Variants in PRUNE2 observed in about 807,000 individuals in gnomAD.
The protein encoded by PRUNE2 is protein prune homolog 2.
Under a neutral mutation model 252.0 loss-of-function variants are expected in PRUNE2, and 164 were observed. The ratio of observed to expected loss-of-function variants is 0.65; its 90% CI spans 0.57 to 0.74. PRUNE2 has a LOEUF of 0.74. PRUNE2 is among the 30% of genes least tolerant of loss of function. The pLI, the probability that PRUNE2 is intolerant of heterozygous loss-of-function variation, is 0.00. For synonymous variants in PRUNE2, 1,292 were observed against 1,350.2 expected, an observed-to-expected ratio of 0.96 and a Z score of 0.94; for missense variants, 3,495 against 3,711.0, an observed-to-expected ratio of 0.94 and a Z score of 1.51.
chr9:76,879,894 TATA>T (rs2061668238), intron 1 of PRUNE2, among the ~76,000 whole-genome samples: 1 of 90,550 alleles, frequency 1.1e-5, no homozygotes, highest in African/African-American at 5.9e-5. Flanking sequence ...TATATATATA[TATA>T]TATATATTTT....
chr9:76,724,826 A>C (rs980525938), intron 6 of PRUNE2, among the ~76,000 whole-genome samples: 2 of 152,206 alleles, frequency 1.3e-5, no homozygotes, highest in African/African-American at 4.8e-5. Context: ...CTTGGCAAGG[A>C]AAGGGCTAGA....
chr9:76,755,858 C>G (rs1020035173), intron 6 of PRUNE2, among the ~76,000 whole-genome samples: 1 of 152,084 alleles, frequency 6.6e-6, no homozygotes, highest in Admixed American at 6.6e-5. Flanking sequence ...CACGCCACCA[C>G]GCCCCGGTAA....
chr9:76,704,185 TA>T (rs1467748010), intron 8 of PRUNE2, 86 bp from the exon 9 acceptor site: 9 of 706,970 alleles, frequency 1.3e-5, no homozygotes, highest in African/African-American at 1.8e-5. Flanking sequence ...AATGATCATC[TA>T]AAAGAGGTAA....
intron 1 of PRUNE2, among the ~76,000 whole-genome samples, chr9:76,894,224 CCAAA>C (rs1265356569): frequency 6.6e-6 from 1 of 152,164 alleles, no homozygotes; most frequent in Non-Finnish European, 1.5e-5. Flanking sequence ...ATCCAGTCCT[CCAAA>C]AGGAAGCAGC....
At chr9:76,731,284 A>C (rs7852127) in intron 6 of PRUNE2, among the ~76,000 whole-genome samples, 26,403 of 95,016 alleles carry the variant, frequency 0.28, 2,960 homozygotes, top group East Asian at 0.55. Flanking sequence ...CCCTCTCTCT[A>C]TCTATCTATC....
intron 6 of PRUNE2, among the ~76,000 whole-genome samples, chr9:76,744,282 A>C (rs1453749686): frequency 2.0e-5 from 3 of 152,228 alleles, no homozygotes; most frequent in African/African-American, 7.2e-5. Flanking sequence ...AAAGTGATAA[A>C]GGGAATTAAA....
intron 6 of PRUNE2, among the ~76,000 whole-genome samples, chr9:76,729,906 AAC>A (rs1165608241): frequency 6.6e-6 from 1 of 152,196 alleles, no homozygotes; most frequent in African/African-American, 2.4e-5. Flanking sequence ...AAAAAATCTG[AAC>A]ACAGACTCCT....
intron 15 of PRUNE2, among the ~76,000 whole-genome samples, chr9:76,632,519 G>A (rs1490014462): frequency 6.6e-6 from 1 of 152,126 alleles, no homozygotes; most frequent in Non-Finnish European, 1.5e-5. Context: ...ACCTGAGGTT[G>A]GTAAATGATA....
At chr9:76,807,976 G>A (rs1275973367) in intron 6 of PRUNE2, among the ~76,000 whole-genome samples, 5 of 152,200 alleles carry the variant, frequency 3.3e-5, no homozygotes, top group Admixed American at 1.3e-4. Flanking sequence ...TCAGGAGTTC[G>A]AGACCAGCCT....
intron 1 of PRUNE2, among the ~76,000 whole-genome samples, chr9:76,868,123 T>A: frequency 6.6e-6 from 1 of 152,126 alleles, no homozygotes; most frequent in East Asian, 1.9e-4. Context: ...TAGACGAGAT[T>A]TCTTTATTAA....
chr9:76,871,574 A>G (rs528886492), intron 1 of PRUNE2, among the ~76,000 whole-genome samples: 1 of 152,172 alleles, frequency 6.6e-6, no homozygotes, highest in Non-Finnish European at 1.5e-5. Flanking sequence ...GCCATTTTAT[A>G]TGTGTTTTTA....
chr9:76,705,240 G>T lies in PRUNE2; in HGVS notation c.7034C>A (p.Ser2345Tyr), dbSNP rs1475569231. 1 of 1,614,058 alleles carries T rather than the reference G, an allele frequency of 6.2e-7. No homozygotes were observed. The highest frequency in any genetic ancestry group is 1.3e-5 in the African/African-American group (1 of 75,070). Reference sequence around the variant, plus strand: ...TTCAAAATCACCCCACGAGGCTTCAGATGAGCAGATATCTTGCTTCCCTAG... The same window carrying T: ...TTCAAAATCACCCCACGAGGCTTCATATGAGCAGATATCTTGCTTCCCTAG... ...GDLGKQDICSSEASWGDFEYD... is the reference protein window; with the variant it reads ...GDLGKQDICSYEASWGDFEYD... Residue 2345 changes from serine (S) to tyrosine (Y), a missense_variant, in exon 8 of 19, where the codon TCT becomes TAT. Physicochemically the swap from Ser to Tyr is moderately radical, Grantham distance 144 (BLOSUM62 -2). Coordinates refer to ENST00000376718, the MANE Select transcript of PRUNE2 (RefSeq NM_015225.3).
chr9:76,794,613 C>CA (rs11358425), intron 6 of PRUNE2, among the ~76,000 whole-genome samples: 1,288 of 67,338 alleles, frequency 0.019, 6 homozygotes, highest in South Asian at 0.033. Context: ...GACTCTGTCT[C>CA]AAAAAAAAAA....
At chr9:76,890,334 T>C (rs1027297590) in intron 1 of PRUNE2, among the ~76,000 whole-genome samples, 2 of 152,156 alleles carry the variant, frequency 1.3e-5, no homozygotes, top group African/African-American at 4.8e-5. Context: ...GGATAAGAAG[T>C]GGTGTAAAGA....
chr9:76,713,014 T>A (rs928846618), intron 7 of PRUNE2, among the ~76,000 whole-genome samples: 1 of 152,178 alleles, frequency 6.6e-6, no homozygotes, highest in Non-Finnish European at 1.5e-5. Flanking sequence ...GTTCTCATAT[T>A]AGTTATTAAG....
chr9:76,814,704 T>G (rs1026850415), intron 6 of PRUNE2, among the ~76,000 whole-genome samples: 1 of 152,092 alleles, frequency 6.6e-6, no homozygotes, highest in Non-Finnish European at 1.5e-5. Context: ...ATGCCTTTAG[T>G]GCAAAAACAC....
At chr9:76,673,598 C>T (rs1358932666) in intron 9 of PRUNE2, among the ~76,000 whole-genome samples, 2,332 of 123,950 alleles carry the variant, frequency 0.019, no homozygotes, top group African/African-American at 0.032. Context: ...AGAGACACAA[C>T]AAAAAAAGAG....
intron 15 of PRUNE2, among the ~76,000 whole-genome samples, chr9:76,632,712 G>T (rs116721597): frequency 6.6e-6 from 1 of 151,890 alleles, no homozygotes; most frequent in Non-Finnish European, 1.5e-5. Flanking sequence ...CACATGCTAC[G>T]CTGCCTAGCT....
At chr9:76,654,176 G>C (rs1468186550) in intron 10 of PRUNE2, among the ~76,000 whole-genome samples, 1 of 152,154 alleles carries the variant, frequency 6.6e-6, no homozygotes, top group African/African-American at 2.4e-5. Flanking sequence ...TGTGAGAGCA[G>C]AGTAGGAGAA....
Sources: allele counts gnomAD v4.1 joint callset (sites outside exome capture counted in the v4.1 genomes callset), GRCh38; gene constraint gnomAD v4.1.1; transcripts MANE v1.5; gene names NCBI Gene and HGNC (gene_info 2026-07-23, HGNC 2026-07-21).